TRIM33: variants seen among roughly 807,000 people sequenced by gnomAD.
TRIM33 encodes the protein E3 ubiquitin-protein ligase TRIM33.
Under a neutral mutation model 125.4 loss-of-function variants are expected in TRIM33, and 20 were observed. That is an observed-to-expected ratio of 0.16 (90% CI 0.11 to 0.23). TRIM33 has a LOEUF of 0.23. TRIM33 is among the 10% of genes least tolerant of loss of function. The probability of loss-of-function intolerance (pLI) is 1.00; values close to 1 mark genes in which losing one functional copy is unlikely to be tolerated. For missense variants in TRIM33, 920 were observed against 1,411.4 expected (o/e 0.65, Z 5.58); for synonymous variants, 564 against 513.9 (o/e 1.10, Z -1.32).
chr1:114,465,390 T>G (rs1405032413), intron 1 of TRIM33, among the ~76,000 whole-genome samples: 1 of 152,236 alleles, frequency 6.6e-6, no homozygotes, highest in Admixed American at 6.5e-5. Flanking sequence ...TAGTTTATAA[T>G]GTACACAATT....
At chr1:114,441,590 T>G (rs1327940367) in intron 4 of TRIM33, among the ~76,000 whole-genome samples, 15 of 152,338 alleles carry the variant, frequency 9.8e-5, no homozygotes, top group African/African-American at 2.9e-4. Context: ...CACAGAGAGA[T>G]AACAGATGAG....
At chr1:114,436,191 A>T (rs1648280880) in intron 4 of TRIM33, among the ~76,000 whole-genome samples, 1 of 151,640 alleles carries the variant, frequency 6.6e-6, no homozygotes, top group African/African-American at 2.4e-5. Context: ...TAACGAGGTC[A>T]GGAGATCGAG....
chr1:114,430,125 C>T (rs1010978133), intron 6 of TRIM33, among the ~76,000 whole-genome samples: 2 of 151,746 alleles, frequency 1.3e-5, no homozygotes, highest in Non-Finnish European at 2.9e-5. Context: ...AAGCAGAAGC[C>T]CAACATGAAT....
At chr1:114,417,821 G>T (rs1653032348) in intron 11 of TRIM33, among the ~76,000 whole-genome samples, 2 of 152,048 alleles carry the variant, frequency 1.3e-5, no homozygotes, top group Non-Finnish European at 2.9e-5. Context: ...ACCATGCCCG[G>T]CTAATTTTGT....
chr1:114,506,479 C>A (rs1048007818), intron 1 of TRIM33, among the ~76,000 whole-genome samples: 1 of 151,596 alleles, frequency 6.6e-6, no homozygotes, highest in Non-Finnish European at 1.5e-5. Context: ...GTAGCCTCAT[C>A]TCCTTCAAGA....
chr1:114,484,500 G>A (rs1019678269), intron 1 of TRIM33, among the ~76,000 whole-genome samples: 8 of 152,018 alleles, frequency 5.3e-5, no homozygotes, highest in Non-Finnish European at 1.2e-4. Flanking sequence ...GCTGAGGCGG[G>A]TGGATCACCT....
At chr1:114,427,360 G>C in intron 7 of TRIM33, 66 bp from the exon 8 acceptor site, 1 of 875,802 alleles carries the variant, frequency 1.1e-6, no homozygotes. Context: ...ATAAGATAAA[G>C]ACATTAAGAA....
At chr1:114,499,496 T>A (rs1450415317) in intron 1 of TRIM33, among the ~76,000 whole-genome samples, 1 of 152,166 alleles carries the variant, frequency 6.6e-6, no homozygotes, top group Non-Finnish European at 1.5e-5. Context: ...AATTCCCTTT[T>A]TTTTTTCCCC....
intron 1 of TRIM33, among the ~76,000 whole-genome samples, chr1:114,506,338 G>A (rs138887718): frequency 0.026 from 3,865 of 146,888 alleles, 83 homozygotes; most frequent in Non-Finnish European, 0.034. Flanking sequence ...AGCCGAGATC[G>A]CACCATTGCA....
chr1:114,471,931 C>A (rs1261759447), intron 1 of TRIM33, among the ~76,000 whole-genome samples: 1 of 152,112 alleles, frequency 6.6e-6, no homozygotes, highest in African/African-American at 2.4e-5. Flanking sequence ...CTACAAAACA[C>A]ATTTAGTGAA....
chr1:114,427,905 A>G lies in TRIM33; in HGVS notation c.1156-11T>C. On this transcript the variant is annotated splice_polypyrimidine_tract_variant and intron_variant, in intron 6 of 19. Transcript: ENST00000358465. ...TTCCTTTGTAACATTCTGAAACAGAACAAGAGCTTCGCTGTAGAATTCCAT... is the reference window on the plus strand; with the variant it reads ...TTCCTTTGTAACATTCTGAAACAGAGCAAGAGCTTCGCTGTAGAATTCCAT... 1 of 1,613,560 alleles carries G rather than the reference A, an allele frequency of 6.2e-7. No homozygotes were observed. The highest frequency in any genetic ancestry group is 8.5e-7 in the Non-Finnish European group (1 of 1,179,688).
chr1:114,420,557 G>A (rs990730089), intron 11 of TRIM33: 13 of 547,118 alleles, frequency 2.4e-5, no homozygotes, highest in South Asian at 1.3e-4. Flanking sequence ...CTATTCATAC[G>A]ACCTTCAATT....
In TRIM33 at chr1:114,394,469, C is replaced by G. The variant is rs1185201752; in HGVS notation, c.*3179G>C. 1 of 215,956 alleles carries G rather than the reference C, an allele frequency of 4.6e-6. No individual in the cohort carries two copies. The highest frequency in any genetic ancestry group is 9.4e-6 in the Non-Finnish European group (1 of 106,944). The allele number at this position is 215,956 out of a possible 1,614,324, so 13.4% of individuals were successfully genotyped here. A position where few individuals can be genotyped will look rare whatever the true frequency, so the allele number is the denominator to read the frequency against. On this transcript the variant is annotated 3_prime_UTR_variant, in exon 20 of 20. Coordinates refer to ENST00000358465, the MANE Select transcript of TRIM33 (RefSeq NM_015906.4). ...ATACCTGCTGAGGTAATTGATAAAT[C>G]TACAATTTGCACACTTATAAACCTT...
intron 4 of TRIM33, 134 bp from the exon 5 acceptor site, chr1:114,433,867 T>C: frequency 3.8e-6 from 2 of 522,988 alleles, no homozygotes; most frequent in Admixed American, 3.5e-5. Context: ...TCATACCTTA[T>C]CTCAACAGCA....
rs558822659 is a variant in TRIM33 at position 114,504,023 on chromosome 1, A to G, written c.526+6528T>C. 1.4e-4 allele frequency among the ~76,000 whole-genome samples: 22 copies of G among 152,366 alleles called. No individual in the cohort carries two copies. In the South Asian group the frequency reaches 4.4e-3, roughly 30 times the overall value. ...AGCTTTAAAGATCAAAATGTAATAT[A>G]GTAATTGTTACTGTTTCATAAAGGA... On this transcript the variant is annotated intron_variant, in intron 1 of 19. Coordinates refer to ENST00000358465, the MANE Select transcript of TRIM33 (RefSeq NM_015906.4).
chr1:114,415,946 T>TA (rs34898099), intron 11 of TRIM33, among the ~76,000 whole-genome samples: 34,940 of 91,194 alleles, frequency 0.38, 5,975 homozygotes, highest in African/African-American at 0.45. Context: ...AGACTCCATC[T>TA]AAAAAAAAAA....
intron 4 of TRIM33, among the ~76,000 whole-genome samples, chr1:114,446,511 A>T (rs1648986564): frequency 6.6e-6 from 1 of 152,208 alleles, no homozygotes; most frequent in African/African-American, 2.4e-5. Flanking sequence ...TTTTAAGTAG[A>T]CATTAAGTTA....
intron 11 of TRIM33, among the ~76,000 whole-genome samples, chr1:114,413,574 G>A (rs71664839): frequency 0.38 from 19,236 of 50,552 alleles, 2,223 homozygotes; most frequent in Non-Finnish European, 0.4. Flanking sequence ...AAAAAAAAAA[G>A]AAAAGAAAAG....
At chr1:114,432,613 C>T (rs1648031716) in intron 5 of TRIM33, among the ~76,000 whole-genome samples, 1 of 152,058 alleles carries the variant, frequency 6.6e-6, no homozygotes, top group African/African-American at 2.4e-5. Context: ...GGTGAAACCC[C>T]GTCTCTACTA....
Sources: allele counts gnomAD v4.1 joint callset (sites outside exome capture counted in the v4.1 genomes callset), GRCh38; gene constraint gnomAD v4.1.1; transcripts MANE v1.5; gene names NCBI Gene and HGNC (gene_info 2026-07-23, HGNC 2026-07-21).